The following PTPRD variants were observed in gnomAD, a reference collection of about 807,000 sequenced individuals.
PTPRD encodes the protein receptor-type tyrosine-protein phosphatase delta.
A neutral mutation model predicts 214.5 loss-of-function variants in PTPRD; 34 were observed. That is an observed-to-expected ratio of 0.16 (90% confidence interval 0.12 to 0.21). PTPRD has a LOEUF of 0.21. Among genes scored for constraint, PTPRD ranks in the 10% least tolerant of loss-of-function variants. The pLI is 1.00. For synonymous variants in PTPRD, 1,128 were observed against 845.7 expected (o/e 1.33, Z -5.79); for missense variants, 2,545 against 2,398.7 (o/e 1.06, Z -1.27).
At chr9:10,128,284 T>C (rs80350927) in intron 3 of PTPRD, among the ~76,000 whole-genome samples, 127 of 152,276 alleles carry the variant, frequency 8.3e-4, no homozygotes, top group African/African-American at 2.9e-3. Context: ...AATAAGATTA[T>C]TGCAGCTGCA....
At chr9:10,590,861 T>C (rs1176336540) in intron 2 of PTPRD, among the ~76,000 whole-genome samples, 2 of 151,288 alleles carry the variant, frequency 1.3e-5, no homozygotes, top group African/African-American at 2.4e-5. Flanking sequence ...GCAAATGTTA[T>C]ATACTGAAAA....
rs149846517 is a variant in PTPRD at position 10,253,573 on chromosome 9, T to C, written c.-545+87390A>G. 1.9e-3 allele frequency among the ~76,000 whole-genome samples: 295 copies of C among 152,326 alleles called. 1 individual carries two copies. In the South Asian group the frequency reaches 0.027, roughly 14 times the overall value. On this transcript the variant is annotated intron_variant, in intron 3 of 45. Transcript: ENST00000381196. ...ATGTCTGAATTCAAGATGCTAATTA[T>C]AATTGAGTTTCATCGCTCAGCTTTA...
At chr9:8,887,951 C>A (rs576604189) in intron 11 of PTPRD, among the ~76,000 whole-genome samples, 1 of 152,152 alleles carries the variant, frequency 6.6e-6, no homozygotes, top group South Asian at 2.1e-4. Flanking sequence ...ACCACAGCTT[C>A]CAGTGCATTT....
chr9:8,535,837 T>TAA (rs1480182030), intron 14 of PTPRD, among the ~76,000 whole-genome samples: 1 of 151,920 alleles, frequency 6.6e-6, no homozygotes, highest in Admixed American at 6.6e-5. Context: ...ATAGCTCCAT[T>TAA]AATTGTTCAG....
At chr9:8,485,733 G>T (rs1563731968) in intron 28 of PTPRD, 29 bp downstream of exon 28, 1 of 1,553,206 alleles carries the variant, frequency 6.4e-7, no homozygotes, top group South Asian at 1.2e-5. Flanking sequence ...TCCTTTAAAG[G>T]AGGAAGGCCG....
chr9:10,413,223 C>A (rs572266013), intron 2 of PTPRD, among the ~76,000 whole-genome samples: 3 of 151,950 alleles, frequency 2.0e-5, no homozygotes, highest in African/African-American at 7.2e-5. Flanking sequence ...CAGTCTCAAC[C>A]CAAAAGCTCT....
intron 8 of PTPRD, among the ~76,000 whole-genome samples, chr9:9,508,323 TAACACA>T (rs2096618401): frequency 6.6e-6 from 1 of 151,462 alleles, no homozygotes; most frequent in Non-Finnish European, 1.5e-5. Context: ...AGCCAGGAGG[TAACACA>T]ATTCTTTCAA....
chr9:10,026,051 GC>G (rs1304047724), intron 4 of PTPRD, among the ~76,000 whole-genome samples: 78 of 152,306 alleles, frequency 5.1e-4, no homozygotes, highest in African/African-American at 1.7e-3. Context: ...AACCAGTGCT[GC>G]TCTAATATGT....
chr9:8,664,005 T>C (rs2097122910), intron 12 of PTPRD, among the ~76,000 whole-genome samples: 1 of 152,114 alleles, frequency 6.6e-6, no homozygotes, highest in Admixed American at 6.5e-5. Context: ...TTTCCGGATG[T>C]CATGGAAAAA....
At chr9:10,003,672 G>A (rs961324090) in intron 4 of PTPRD, among the ~76,000 whole-genome samples, 2 of 151,528 alleles carry the variant, frequency 1.3e-5, no homozygotes, top group African/African-American at 2.4e-5. Flanking sequence ...AACCCAATAA[G>A]GCTGATAAAA....
intron 7 of PTPRD, among the ~76,000 whole-genome samples, chr9:9,731,364 T>A (rs926168203): frequency 6.6e-6 from 1 of 152,188 alleles, no homozygotes; most frequent in South Asian, 2.1e-4. Flanking sequence ...TAATTCAGAA[T>A]GTTTTTCAAA....
intron 3 of PTPRD, among the ~76,000 whole-genome samples, chr9:10,230,868 G>C (rs373546832): frequency 3.9e-5 from 6 of 152,118 alleles, no homozygotes; most frequent in African/African-American, 1.4e-4. Flanking sequence ...GTCCAGCCCA[G>C]AGTGCTTCTA....
At chr9:10,014,779 A>G (rs2096668037) in intron 4 of PTPRD, among the ~76,000 whole-genome samples, 1 of 151,988 alleles carries the variant, frequency 6.6e-6, no homozygotes, top group South Asian at 2.1e-4. Context: ...TTTGGCATAA[A>G]TCTGTATTGC....
chr9:9,450,287 G>C (rs1208246473), intron 8 of PTPRD, among the ~76,000 whole-genome samples: 1 of 151,982 alleles, frequency 6.6e-6, no homozygotes, highest in Non-Finnish European at 1.5e-5. Context: ...ATACCCAGTA[G>C]TGAGATTGCT....
chr9:10,396,454 C>T (rs2098172470), intron 2 of PTPRD, among the ~76,000 whole-genome samples: 1 of 152,058 alleles, frequency 6.6e-6, no homozygotes, highest in South Asian at 2.1e-4. Context: ...TATTTAGGAT[C>T]TAATTATCTA....
At chr9:9,818,950 T>C (rs923577316) in intron 5 of PTPRD, among the ~76,000 whole-genome samples, 1 of 151,380 alleles carries the variant, frequency 6.6e-6, no homozygotes, top group Non-Finnish European at 1.5e-5. Flanking sequence ...TTCGTATGTA[T>C]GTCTTTCAAT....
At chr9:8,505,432 C>T (rs2137319336) in intron 22 of PTPRD, among the ~76,000 whole-genome samples, 1 of 152,040 alleles carries the variant, frequency 6.6e-6, no homozygotes, top group East Asian at 1.9e-4. Flanking sequence ...ACCATCCTGG[C>T]TAACATGGTG....
At chr9:8,708,511 C>CA (rs1026405100) in intron 12 of PTPRD, among the ~76,000 whole-genome samples, 173 of 149,918 alleles carry the variant, frequency 1.2e-3, no homozygotes, top group African/African-American at 4.1e-3. Context: ...CCGTCTCTAC[C>CA]AAAAAAATAC....
intron 3 of PTPRD, among the ~76,000 whole-genome samples, chr9:10,035,028 C>G (rs1049996448): frequency 1.3e-5 from 2 of 152,184 alleles, no homozygotes; most frequent in African/African-American, 4.8e-5. Context: ...GTAGTCTCCA[C>G]ACTGTCTTCC....
Sources: gnomAD v4.1 joint callset for allele counts (sites outside exome capture counted in the v4.1 genomes callset) on GRCh38, gnomAD v4.1.1 for gene constraint, MANE v1.5 for transcripts, NCBI Gene and HGNC (gene_info 2026-07-23, HGNC 2026-07-21) for gene names.